Variants in ADGRG4 observed in about 807,000 individuals in gnomAD.
The protein encoded by ADGRG4 is G protein-coupled receptor 112.
Under a neutral mutation model 126.2 loss-of-function variants are expected in ADGRG4, and 122 were observed. The ratio of observed to expected loss-of-function variants is 0.97; its 90% CI spans 0.83 to 1.12. ADGRG4 has a LOEUF of 1.12. Among genes scored for constraint, ADGRG4 ranks in the 50% most tolerant of loss-of-function variants. ADGRG4 has a pLI of 0.00. For missense variants in ADGRG4, 2,481 were observed against 2,251.8 expected, an observed-to-expected ratio of 1.10 and a Z score of -2.06; for synonymous variants, 943 against 838.7, an observed-to-expected ratio of 1.12 and a Z score of -2.15.
intron 15 of ADGRG4, among the ~76,000 whole-genome samples, chrX:136,382,331 A>C (rs2075268370): frequency 8.9e-6 from 1 of 112,501 alleles, no homozygotes; most frequent in African/African-American, 3.2e-5. Context: ...TAAAAGAAAA[A>C]AAAATAAAAT....
chrX:136,306,132 G>T (rs2074731768), intron 3 of ADGRG4: 1 of 111,312 alleles, frequency 9.0e-6, no homozygotes, highest in African/African-American at 3.3e-5. Context: ...GTCATTTGAG[G>T]GTGGGAAGTT....
chrX:136,397,491 C>CTTTTTTTTTTTTTTTTTTTTTTT (rs1184936316), intron 19 of ADGRG4, among the ~76,000 whole-genome samples: 4 of 50,576 alleles, frequency 7.9e-5, no homozygotes, highest in Non-Finnish European at 1.1e-4. Context: ...AGGAAAAGGA[C>CTTTTTTTTTTTTTTTTTTTTTTT]TTTTTTTTTT....
At chrX:136,317,364 G>A (rs2074811226) in intron 4 of ADGRG4, among the ~76,000 whole-genome samples, 1 of 108,811 alleles carries the variant, frequency 9.2e-6, no homozygotes, top group South Asian at 4.1e-4. Flanking sequence ...TCTGGGCATG[G>A]TGGTACATGC....
chrX:136,359,924 C>T (rs2075117565), intron 11 of ADGRG4, among the ~76,000 whole-genome samples: 1 of 111,688 alleles, frequency 9.0e-6, no homozygotes, highest in South Asian at 3.8e-4. Flanking sequence ...GCAAGGCTAC[C>T]AGGCCACTCC....
chrX:136,303,383 G>A (rs1603289522), intron 1 of ADGRG4, among the ~76,000 whole-genome samples: 3 of 111,774 alleles, frequency 2.7e-5, no homozygotes, highest in East Asian at 2.8e-4. Flanking sequence ...AGCCTGGGAG[G>A]TGGAGGCTGC....
intron 23 of ADGRG4, among the ~76,000 whole-genome samples, chrX:136,406,886 A>G (rs1344592934): frequency 1.8e-5 from 2 of 108,918 alleles, no homozygotes; most frequent in Non-Finnish European, 3.8e-5. Context: ...ACTGCACTCC[A>G]GCCTGGGCAA....
At position 136,344,412 on chromosome X, in the gene ADGRG4, A is replaced by G. The variant is rs778418616; in HGVS notation, c.706A>G (p.Ile236Val). Residue 236 changes from isoleucine (I) to valine (V), a missense_variant, in exon 6 of 26, where the codon ATT becomes GTT. By Grantham distance (29) the Ile-to-Val change is conservative. Transcript: ENST00000394143. ...TTTAGTTGTTCCTGAAAATATGACA[A>G]TTCAAGAAAAAAGTACAACTGTTTC... Reference protein sequence around the residue: ...LRCFVPENMTIQEKSTTVSQQ... With the variant: ...LRCFVPENMTVQEKSTTVSQQ... The G allele has an allele frequency of 3.4e-6, 4 of 1,160,463 alleles. No individual in the cohort carries two copies. The South Asian group carries it at 8.0e-5, about 23-fold the overall frequency.
Position 136,359,466 on chromosome X carries a change from T to G in ADGRG4, c.7144+11T>G, listed in dbSNP as rs780364932. 3.1e-5 allele frequency: 36 copies of G among 1,168,950 alleles called. No homozygotes were observed. Among genetic ancestry groups the G allele is most frequent in the Middle Eastern group, 2.4e-4 (1 of 4,192 alleles). ...CAGTGAAAAAACTAGGTAATTTTTTTGGGGGGTGGATATTGCAGTATGAAC... is the reference window on the plus strand; with the variant it reads ...CAGTGAAAAAACTAGGTAATTTTTTGGGGGGGTGGATATTGCAGTATGAAC... On this transcript the variant is annotated intron_variant, in intron 11 of 25. Transcript: ENST00000394143.
intron 23 of ADGRG4, among the ~76,000 whole-genome samples, chrX:136,407,986 A>G (rs774395831): frequency 8.9e-6 from 1 of 112,193 alleles, no homozygotes; most frequent in South Asian, 3.7e-4. Flanking sequence ...GACTTCATCC[A>G]CAGTGGTAAC....
At position 136,347,836 on chromosome X, in the gene ADGRG4, G is replaced by T; in HGVS notation, c.4130G>T (p.Cys1377Phe). The change falls in exon 6 of 26, where the codon TGT (cysteine) becomes TTT (phenylalanine). Residue 1377 changes from cysteine (C) to phenylalanine (F), a missense_variant. By Grantham distance (205) the Cys-to-Phe change is radical. Transcript: ENST00000394143. ...GCTCTGACAATCACCACTTTTTTGT[G>T]TCCTGAAAAGGAAAGCACGAGTGCC... is the stretch of plus-strand genomic sequence containing the variant. Reference protein sequence around the residue: ...SQALTITTFLCPEKESTSALP... With the variant: ...SQALTITTFLFPEKESTSALP... 4.1e-6 allele frequency: 5 copies of T among 1,208,453 alleles called. No individual in the cohort carries two copies. The highest frequency in any genetic ancestry group is 5.6e-6 in the Non-Finnish European group (5 of 893,079).
chrX:136,400,118 T>C lies in ADGRG4; in HGVS notation c.8575+2T>C. On this transcript the variant is annotated splice_donor_variant, in intron 21 of 25. Coordinates refer to ENST00000394143, the MANE Select transcript of ADGRG4 (RefSeq NM_153834.4). LOFTEE classifies it high-confidence loss of function. ...TTAAATTTTGTCTAGTTGGTTGGGG[T>C]AAGTATATCTGCCATTGTTTTTGAT... The C allele has an allele frequency of 8.6e-7, 1 of 1,161,997 alleles. No individual in the cohort carries two copies. The highest frequency in any genetic ancestry group is 3.0e-5 in the East Asian group (1 of 33,569).
intron 8 of ADGRG4, among the ~76,000 whole-genome samples, chrX:136,355,699 CT>C (rs1369451468): frequency 8.9e-6 from 1 of 112,090 alleles, no homozygotes; most frequent in Non-Finnish European, 1.9e-5. Context: ...TGACAACTTT[CT>C]TTTCATGCTT....
chrX:136,361,652 G>GTT (rs2075129946), intron 12 of ADGRG4, 65 bp downstream of exon 12: 2 of 871,865 alleles, frequency 2.3e-6, no homozygotes, highest in Non-Finnish European at 3.1e-6. Context: ...TTGGGGACAT[G>GTT]TTTCTATGTC....
At chrX:136,396,356 A>G (rs1190667914) in intron 19 of ADGRG4, among the ~76,000 whole-genome samples, 3 of 100,077 alleles carry the variant, frequency 3.0e-5, no homozygotes, top group Non-Finnish European at 5.9e-5. Flanking sequence ...TTTTATATTT[A>G]TTTATTTTAC....
At chrX:136,332,991 C>T (rs1001742007) in intron 5 of ADGRG4, among the ~76,000 whole-genome samples, 6 of 111,298 alleles carry the variant, frequency 5.4e-5, no homozygotes, top group South Asian at 3.8e-4. Context: ...TTTTGCTGTG[C>T]GGAAGCTCTT....
intron 5 of ADGRG4, among the ~76,000 whole-genome samples, chrX:136,333,546 C>T (rs1278248380): frequency 8.9e-6 from 1 of 111,746 alleles, no homozygotes; most frequent in Non-Finnish European, 1.9e-5. Flanking sequence ...GAGACTGAGT[C>T]TTGCTCTGTT....
At chrX:136,414,537 A>C (rs2075466433) in intron 25 of ADGRG4, among the ~76,000 whole-genome samples, 1 of 112,509 alleles carries the variant, frequency 8.9e-6, no homozygotes, top group African/African-American at 3.2e-5. Context: ...GTGCCTAGTA[A>C]ATTTAGTAAG....
At chrX:136,325,711 C>CTT (rs142748862) in intron 5 of ADGRG4, among the ~76,000 whole-genome samples, 141 of 91,963 alleles carry the variant, frequency 1.5e-3, no homozygotes, top group Middle Eastern at 6.1e-3. Flanking sequence ...CTTTTGTACA[C>CTT]TTTTTTTTTT....
chrX:136,331,061 G>T (rs1033490179), intron 5 of ADGRG4, among the ~76,000 whole-genome samples: 6 of 107,016 alleles, frequency 5.6e-5, no homozygotes, highest in Admixed American at 2.0e-4. Context: ...CAATTGTTTT[G>T]ATTTTTGTAG....
Sources: gnomAD v4.1 joint callset for allele counts (sites outside exome capture counted in the v4.1 genomes callset) on GRCh38, gnomAD v4.1.1 for gene constraint, MANE v1.5 for transcripts, NCBI Gene and HGNC (gene_info 2026-07-23, HGNC 2026-07-21) for gene names.